The following BMPR2 variants were observed in gnomAD, a reference collection of about 807,000 sequenced individuals.
BMPR2 encodes the protein bone morphogenetic protein receptor type-2.
A neutral mutation model predicts 100.8 loss-of-function variants in BMPR2; 29 were observed. The observed-to-expected ratio is 0.29, with a 90% CI of 0.21 to 0.39. The LOEUF (loss-of-function observed/expected upper bound fraction) is 0.39, where lower values mean the gene tolerates loss of function less well. Ranked by LOEUF, BMPR2 falls within the 10% of genes least tolerant of loss-of-function variation. BMPR2 has a pLI of 1.00. For missense variants in BMPR2, 1,011 were observed against 1,274.5 expected (o/e 0.79, Z 3.15); for synonymous variants, 382 against 442.3 (o/e 0.86, Z 1.71).
At chr2:202,401,406 C>G (rs1258026227) in intron 1 of BMPR2, among the ~76,000 whole-genome samples, 5 of 152,080 alleles carry the variant, frequency 3.3e-5, no homozygotes, top group Admixed American at 1.3e-4. Flanking sequence ...AAGAACTTTG[C>G]TGAAGCATTT....
intron 1 of BMPR2, among the ~76,000 whole-genome samples, chr2:202,432,201 C>T (rs1346619552): frequency 6.6e-6 from 1 of 150,680 alleles, no homozygotes; most frequent in Non-Finnish European, 1.5e-5. Context: ...CAGAAAATTC[C>T]TTTAAGATTT....
intron 1 of BMPR2, among the ~76,000 whole-genome samples, chr2:202,463,492 C>T (rs1385453642): frequency 3.3e-5 from 5 of 152,054 alleles, no homozygotes; most frequent in African/African-American, 9.7e-5. Flanking sequence ...TGCTATGGTG[C>T]GTATGAATTA....
chr2:202,448,011 G>C (rs906888640), intron 1 of BMPR2, among the ~76,000 whole-genome samples: 2 of 150,264 alleles, frequency 1.3e-5, no homozygotes, highest in Non-Finnish European at 2.9e-5. Flanking sequence ...ATTTGTTTAT[G>C]GGTTTATGAC....
chr2:202,376,394 C>G lies in BMPR2; in HGVS notation c.-1081C>G, dbSNP rs1285859684. ...TGCCTCCCGGAGGGACGCAGGGTGTCTCGCCGCCTCCCTGCCCACCCCCTT... is the reference window on the plus strand; with the variant it reads ...TGCCTCCCGGAGGGACGCAGGGTGTGTCGCCGCCTCCCTGCCCACCCCCTT... On this transcript the variant is annotated 5_prime_UTR_variant, in exon 1 of 13. Transcript: ENST00000374580. Among the ~76,000 whole-genome samples, 1 of 148,078 alleles carries G rather than the reference C, an allele frequency of 6.8e-6. No individual in the cohort carries two copies. The highest frequency in any genetic ancestry group is 6.7e-5 in the Admixed American group (1 of 14,918).
rs893799363 is a variant in BMPR2 at position 202,435,725 on chromosome 2, T to C, written c.77-29084T>C. On this transcript the variant is annotated intron_variant, in intron 1 of 12. Coordinates refer to ENST00000374580, the MANE Select transcript of BMPR2 (RefSeq NM_001204.7). Reference sequence around the variant, plus strand: ...TGCCCTATACAGGTATACCATATTTTATCTTTCATACTGTATTTTTGCTCT... The same window carrying C: ...TGCCCTATACAGGTATACCATATTTCATCTTTCATACTGTATTTTTGCTCT... Among the ~76,000 whole-genome samples, 9 of 150,250 alleles carry C rather than the reference T, an allele frequency of 6.0e-5. 1 individual carries two copies. The highest frequency in any genetic ancestry group is 2.3e-4 in the African/African-American group (9 of 39,632).
At chr2:202,531,226 C>A (rs1480605320) in intron 8 of BMPR2, among the ~76,000 whole-genome samples, 2 of 152,160 alleles carry the variant, frequency 1.3e-5, no homozygotes, top group Admixed American at 6.5e-5. Flanking sequence ...TCGCTTGAAC[C>A]CAGGAGGAGG....
chr2:202,537,290 C>G lies in BMPR2; in HGVS notation c.1276+4558C>G, dbSNP rs373357674. ...ATTTTTGTTTTAGAAGCATGTCTGA[C>G]TGAAATGATTTTTTCATCAGATTAG... On this transcript the variant is annotated intron_variant, in intron 9 of 12. Transcript: ENST00000374580. Among the ~76,000 whole-genome samples, 18 of 152,246 alleles carry G rather than the reference C, an allele frequency of 1.2e-4. 1 individual carries two copies. Among genetic ancestry groups the G allele is most frequent in the Admixed American group, 6.5e-4 (10 of 15,286 alleles).
chr2:202,485,112 C>T (rs1692747472), intron 3 of BMPR2, among the ~76,000 whole-genome samples: 1 of 152,154 alleles, frequency 6.6e-6, no homozygotes, highest in South Asian at 2.1e-4. Context: ...CAGACATGAG[C>T]CACTGCGCCC....
rs368409082 is a variant in BMPR2, at chr2:202,465,193, C to T, written c.247+214C>T. Among the ~76,000 whole-genome samples, 7 of 152,130 alleles carry T rather than the reference C, an allele frequency of 4.6e-5. No homozygotes were observed. The East Asian group carries it at 9.7e-4, about 21-fold the overall frequency. ...TTGAGGCCAGGAGTTTGAGACCAGCCTGGGTAATAACATGGTGAAACCCCG... is the reference window on the plus strand; with the variant it reads ...TTGAGGCCAGGAGTTTGAGACCAGCTTGGGTAATAACATGGTGAAACCCCG... On this transcript the variant is annotated intron_variant, in intron 2 of 12. Transcript: ENST00000374580.
intron 1 of BMPR2, among the ~76,000 whole-genome samples, chr2:202,422,001 C>T (rs574765367): frequency 7.2e-5 from 11 of 152,112 alleles, no homozygotes; most frequent in African/African-American, 2.7e-4. Context: ...CTCCGCCTGC[C>T]AGGTTCAAGC....
chr2:202,508,195 C>T (rs1161498818), intron 3 of BMPR2, among the ~76,000 whole-genome samples: 2 of 151,286 alleles, frequency 1.3e-5, no homozygotes. Context: ...TAGGTTCAAG[C>T]GATTCTTCTG....
At chr2:202,380,624 CTTTCT>C (rs1314320998) in intron 1 of BMPR2, among the ~76,000 whole-genome samples, 1 of 145,142 alleles carries the variant, frequency 6.9e-6, no homozygotes, top group Non-Finnish European at 1.5e-5. Context: ...GTTTGGATTT[CTTTCT>C]TTTTTTTTTT....
intron 1 of BMPR2, among the ~76,000 whole-genome samples, chr2:202,381,042 T>G (rs1024863514): frequency 1.5e-5 from 2 of 136,452 alleles, no homozygotes; most frequent in Admixed American, 8.0e-5. Flanking sequence ...TGGCGCCATC[T>G]CAGCTCACTG....
chr2:202,424,691 G>A (rs1240302762), intron 1 of BMPR2, among the ~76,000 whole-genome samples: 9 of 151,880 alleles, frequency 5.9e-5, no homozygotes, highest in Admixed American at 5.3e-4. Context: ...GCGACACTCC[G>A]TCTCAAAAAA....
At chr2:202,445,567 A>G (rs1464640523) in intron 1 of BMPR2, among the ~76,000 whole-genome samples, 1 of 149,624 alleles carries the variant, frequency 6.7e-6, no homozygotes, top group African/African-American at 2.5e-5. Flanking sequence ...CATTCTCTGT[A>G]GTAGTTTTAT....
chr2:202,504,826 C>T (rs1687488351), intron 3 of BMPR2, among the ~76,000 whole-genome samples: 1 of 151,502 alleles, frequency 6.6e-6, no homozygotes, highest in African/African-American at 2.4e-5. Context: ...ATTACAGGTG[C>T]CTGCCCCCGT....
At chr2:202,453,975 G>GT (rs949973295) in intron 1 of BMPR2, among the ~76,000 whole-genome samples, 3 of 152,096 alleles carry the variant, frequency 2.0e-5, no homozygotes, top group Non-Finnish European at 4.4e-5. Context: ...AAAATTTTTT[G>GT]TAAGAGATGC....
chr2:202,466,356 G>A (rs1438455989), intron 2 of BMPR2, among the ~76,000 whole-genome samples: 1 of 151,612 alleles, frequency 6.6e-6, no homozygotes, highest in African/African-American at 2.4e-5. Context: ...GTGGGATCTC[G>A]GCTCACTGCA....
At position 202,555,762 on chromosome 2, in the gene BMPR2, G is replaced by C. The variant is rs2105711741; in HGVS notation, c.2097G>C (p.Leu699=). 4 of 1,614,116 alleles carry C rather than the reference G, an allele frequency of 2.5e-6. No individual in the cohort carries two copies. Among genetic ancestry groups the C allele is most frequent in the African/African-American group, 2.7e-5 (2 of 75,016 alleles). The change falls in exon 12 of 13, where the codon CTG becomes CTC. Residue 699 remains leucine (L), a synonymous_variant. Coordinates refer to ENST00000374580, the MANE Select transcript of BMPR2 (RefSeq NM_001204.7). ...AACAGTTCAGTGGCCCAGACCCACT[G>C]AGCAGTACTAGTTCTAGCTTGCTTT... ...SLKQFSGPDP[L]SSTSSSLLYP... is the part of the protein sequence containing the mutation.
Sources: allele counts gnomAD v4.1 joint callset (sites outside exome capture counted in the v4.1 genomes callset), GRCh38; gene constraint gnomAD v4.1.1; transcripts MANE v1.5; gene names NCBI Gene and HGNC (gene_info 2026-07-23, HGNC 2026-07-21).